Variants in FSTL5 observed in about 807,000 individuals in gnomAD.
The protein encoded by FSTL5 is follistatin like 5, also known as follistatin-related protein 5.
In FSTL5, 62 loss-of-function variants were observed where a neutral mutation model predicts 89.1. That is an observed-to-expected ratio of 0.70 (90% confidence interval 0.57 to 0.86). The LOEUF (loss-of-function observed/expected upper bound fraction) is 0.86, where lower values mean the gene tolerates loss of function less well. Among genes scored for constraint, FSTL5 ranks in the 40% least tolerant of loss-of-function variants. The pLI is 0.00. For missense variants in FSTL5, 1,057 were observed against 1,001.6 expected (o/e 1.06, Z -0.75); for synonymous variants, 383 against 346.2 (o/e 1.11, Z -1.18).
intron 6 of FSTL5, among the ~76,000 whole-genome samples, chr4:161,738,542 C>T (rs546116580): frequency 9.9e-5 from 15 of 151,900 alleles, no homozygotes; most frequent in African/African-American, 3.4e-4. Context: ...ATCAGAAAAG[C>T]TGGATTAAAA....
chr4:162,126,834 G>A (rs1455071677), intron 1 of FSTL5, among the ~76,000 whole-genome samples: 2 of 152,130 alleles, frequency 1.3e-5, no homozygotes, highest in Non-Finnish European at 2.9e-5. Context: ...GGTTGTGGGT[G>A]TGCATGTGTG....
chr4:161,999,654 A>C (rs1291332776), intron 3 of FSTL5, among the ~76,000 whole-genome samples: 1 of 152,216 alleles, frequency 6.6e-6, no homozygotes, highest in African/African-American at 2.4e-5. Context: ...TAAATAAGAC[A>C]GTTTGATGTG....
Position 162,014,611 on chromosome 4 carries a change from T to A in FSTL5, c.160+19014A>T, listed in dbSNP as rs374300180. ...GGATATGATAGAAAGGCAGATGGGC[T>A]GATGGTAGACTGAGTCCATGCTGTG... On this transcript the variant is annotated intron_variant, in intron 3 of 15. Transcript: ENST00000306100. Among the ~76,000 whole-genome samples, 4 of 152,324 alleles carry A rather than the reference T, an allele frequency of 2.6e-5. No homozygotes were observed. In the East Asian group the frequency reaches 7.7e-4, roughly 29 times the overall value.
At chr4:161,631,443 C>A (rs762602249) in intron 7 of FSTL5, among the ~76,000 whole-genome samples, 23 of 152,108 alleles carry the variant, frequency 1.5e-4, no homozygotes, top group Non-Finnish European at 2.8e-4. Context: ...ATGGCAAAAA[C>A]CCATTTCTAC....
At chr4:161,782,649 T>A (rs546933995) in intron 4 of FSTL5, among the ~76,000 whole-genome samples, 1 of 152,322 alleles carries the variant, frequency 6.6e-6, no homozygotes, top group East Asian at 1.9e-4. Context: ...ACATGCTTAC[T>A]GATTAATTTT....
At chr4:161,839,701 T>G (rs1179127908) in intron 4 of FSTL5, among the ~76,000 whole-genome samples, 2 of 152,218 alleles carry the variant, frequency 1.3e-5, no homozygotes, top group African/African-American at 2.4e-5. Flanking sequence ...GTGGTATTTT[T>G]GGCTGAGAAA....
chr4:161,862,263 A>G (rs1474011156), intron 4 of FSTL5, among the ~76,000 whole-genome samples: 2 of 152,224 alleles, frequency 1.3e-5, no homozygotes. Context: ...CTGTGAGCCT[A>G]TAATTATTCA....
At chr4:161,992,027 G>A (rs75773221) in intron 3 of FSTL5, among the ~76,000 whole-genome samples, 8,373 of 152,288 alleles carry the variant, frequency 0.055, 267 homozygotes, top group Non-Finnish European at 0.077. Flanking sequence ...TGTTCAAGAA[G>A]CATCAAGGAG....
Position 161,661,965 on chromosome 4 carries a change from G to A in FSTL5, c.728-5471C>T, listed in dbSNP as rs550452069. 2.6e-5 allele frequency among the ~76,000 whole-genome samples: 4 copies of A among 152,244 alleles called. No homozygotes were observed. The East Asian group carries it at 7.7e-4, about 29-fold the overall frequency. Reference sequence around the variant, plus strand: ...CCCAGTCTATATTCTGAAGAGAACTGTAACTCAGAGATGAGATTACACCTG... The same window carrying A: ...CCCAGTCTATATTCTGAAGAGAACTATAACTCAGAGATGAGATTACACCTG... On this transcript the variant is annotated intron_variant, in intron 6 of 15. Coordinates refer to ENST00000306100, the MANE Select transcript of FSTL5 (RefSeq NM_020116.5).
intron 6 of FSTL5, among the ~76,000 whole-genome samples, chr4:161,665,748 A>G (rs1736871199): frequency 6.6e-6 from 1 of 152,166 alleles, no homozygotes; most frequent in East Asian, 1.9e-4. Flanking sequence ...AAAAAACAGA[A>G]GAATGAACAT....
chr4:162,119,775 T>C (rs1731784172), intron 1 of FSTL5, among the ~76,000 whole-genome samples: 1 of 152,168 alleles, frequency 6.6e-6, no homozygotes, highest in African/African-American at 2.4e-5. Flanking sequence ...ATTCCTCCCA[T>C]CTGGCTCTAA....
intron 4 of FSTL5, among the ~76,000 whole-genome samples, chr4:161,883,667 A>G (rs1266479844): frequency 6.6e-6 from 1 of 152,226 alleles, no homozygotes; most frequent in East Asian, 1.9e-4. Context: ...TCTAATAACT[A>G]AAGTAAACTG....
intron 7 of FSTL5, among the ~76,000 whole-genome samples, chr4:161,655,840 C>T (rs556827633): frequency 6.6e-6 from 1 of 152,208 alleles, no homozygotes; most frequent in African/African-American, 2.4e-5. Context: ...ATAAATCCCC[C>T]TCACTGATTT....
At chr4:161,648,319 AC>A (rs1273381827) in intron 7 of FSTL5, among the ~76,000 whole-genome samples, 1 of 152,120 alleles carries the variant, frequency 6.6e-6, no homozygotes, top group Non-Finnish European at 1.5e-5. Flanking sequence ...ACCCCTAGAC[AC>A]TGCCAGGGGA....
At chr4:161,442,680 T>C (rs1425396744) in intron 15 of FSTL5, among the ~76,000 whole-genome samples, 1 of 152,088 alleles carries the variant, frequency 6.6e-6, no homozygotes, top group African/African-American at 2.4e-5. Context: ...TTATAACTGT[T>C]ATAGGAAAAA....
intron 4 of FSTL5, among the ~76,000 whole-genome samples, chr4:161,883,648 G>T (rs1185356900): frequency 1.3e-5 from 2 of 152,036 alleles, no homozygotes; most frequent in Non-Finnish European, 2.9e-5. Flanking sequence ...ATTTTATCAG[G>T]TACCTATTTC....
At chr4:161,716,274 C>T (rs1738977972) in intron 6 of FSTL5, among the ~76,000 whole-genome samples, 2 of 152,222 alleles carry the variant, frequency 1.3e-5, no homozygotes, top group South Asian at 2.1e-4. Flanking sequence ...TCTCCACCTC[C>T]GACAGGCCTT....
At chr4:161,591,280 C>T (rs892068453) in intron 7 of FSTL5, among the ~76,000 whole-genome samples, 31 of 152,082 alleles carry the variant, frequency 2.0e-4, no homozygotes, top group African/African-American at 6.5e-4. Flanking sequence ...ACATAGAAGA[C>T]GGATTTGTGG....
At chr4:161,524,399 G>A (rs932305158) in intron 10 of FSTL5, among the ~76,000 whole-genome samples, 10 of 151,972 alleles carry the variant, frequency 6.6e-5, no homozygotes, top group African/African-American at 2.4e-4. Context: ...ATCTTCTCAT[G>A]ACCTCCTGAG....
Sources: allele counts gnomAD v4.1 joint callset (sites outside exome capture counted in the v4.1 genomes callset), GRCh38; gene constraint gnomAD v4.1.1; transcripts MANE v1.5; gene names NCBI Gene and HGNC (gene_info 2026-07-23, HGNC 2026-07-21).